Variants in CLCN7 observed in about 807,000 individuals in gnomAD.
CLCN7 encodes Cl-/H+ antiporter 7.
Under a neutral mutation model 102.1 loss-of-function variants are expected in CLCN7, and 60 were observed. The observed-to-expected ratio is 0.59, with a 90% confidence interval of 0.48 to 0.73. CLCN7 has a LOEUF of 0.73. Among genes scored for constraint, CLCN7 ranks in the 30% least tolerant of loss-of-function variants. The probability of loss-of-function intolerance (pLI) is 0.00; values close to 1 mark genes in which losing one functional copy is unlikely to be tolerated. For synonymous variants in CLCN7, 560 were observed against 490.5 expected (o/e 1.14, Z -1.87); for missense variants, 962 against 1,125.7 (o/e 0.85, Z 2.08).
At chr16:1,455,915 G>GC in intron 10 of CLCN7, 120 bp from the exon 11 acceptor site, 2 of 1,186,438 alleles carry the variant, frequency 1.7e-6, no homozygotes, top group Non-Finnish European at 2.4e-6. Flanking sequence ...AATGGGGTGG[G>GC]CCCCAGCCAC....
intron 15 of CLCN7, 162 bp from the exon 16 acceptor site, chr16:1,451,878 G>A (rs1392784342): frequency 4.6e-6 from 3 of 654,030 alleles, no homozygotes; most frequent in South Asian, 3.3e-5. Context: ...GGTCACAGAG[G>A]GCAAGGAGGA....
At chr16:1,464,315 T>A (rs1181140642) in intron 2 of CLCN7, among the ~76,000 whole-genome samples, 2 of 152,230 alleles carry the variant, frequency 1.3e-5, no homozygotes, top group Admixed American at 1.3e-4. Flanking sequence ...GACTGATTGC[T>A]GAATCTCACG....
chr16:1,448,284 C>T, intron 21 of CLCN7, 71 bp downstream of exon 21: 1 of 1,591,260 alleles, frequency 6.3e-7, no homozygotes, highest in Non-Finnish European at 8.6e-7. Context: ...GCAAACCTTG[C>T]CGTGTGCTTC....
In CLCN7 at chr16:1,459,183, A is replaced by G; in HGVS notation, c.599T>C (p.Val200Ala). The part of the protein sequence containing the change: ...GSVIVAFIEP[V>A]AAGSGIPQIK... ...CTGGGGGATTCCGCTGCCAGCAGCC[A>G]CCGGCTGAAAGAGGGGAAGCACGGC... The change falls in exon 7 of 25, where the codon GTG becomes GCG. Residue 200 changes from valine to alanine, a missense_variant. Transcript: ENST00000382745. The G allele has an allele frequency of 6.2e-7, 1 of 1,613,062 alleles. No individual in the cohort carries two copies.
rs9922189 is a variant in CLCN7 at position 1,457,777 on chromosome 16, T to C, written c.676-21A>G. 911,010 of 1,609,394 alleles carry C rather than the reference T, an allele frequency of 0.57. 259,608 individuals are homozygous for C. Among genetic ancestry groups the C allele is most frequent in the East Asian group, 0.71 (31,764 of 44,840 alleles). On this transcript the variant is annotated intron_variant, in intron 7 of 24. Coordinates refer to ENST00000382745, the MANE Select transcript of CLCN7 (RefSeq NM_001287.6). The surrounding 1 kb of genome is among the most constrained non-coding windows in gnomAD (Gnocchi z 5.4). Reference sequence around the variant, plus strand: ...AACGTCTGAAACACAGGGAGACGCATGGCCTCTGATGAAAAGGCAGGCGCT... The same window carrying C: ...AACGTCTGAAACACAGGGAGACGCACGGCCTCTGATGAAAAGGCAGGCGCT...
chr16:1,457,855 G>A lies in CLCN7; in HGVS notation c.676-99C>T, dbSNP rs1008873900. On this transcript the variant is annotated intron_variant, in intron 7 of 24. Transcript: ENST00000382745. This position sits in a 1 kb window ranked among gnomAD's most constrained non-coding sequence, Gnocchi z 5.4. ...ACACACAGCCCCGATCAGGCAGAGT[G>A]GCTGGGACACGGGGCCTCCGGGAGG... The A allele has an allele frequency of 3.2e-6, 4 of 1,253,002 alleles. No homozygotes were observed. In the African/African-American group the frequency reaches 4.4e-5, roughly 14 times the overall value. 77.6% of individuals were successfully genotyped at this position (1,253,002 alleles called of 1,614,324 possible).
At chr16:1,472,905 T>G (rs1442986323) in intron 1 of CLCN7, among the ~76,000 whole-genome samples, 5 of 150,112 alleles carry the variant, frequency 3.3e-5, no homozygotes, top group Non-Finnish European at 4.4e-5. Flanking sequence ...TAGCTGGGAC[T>G]ACAGATGCAT....
chr16:1,451,808 C>T, intron 15 of CLCN7, 92 bp from the exon 16 acceptor site: 1 of 1,036,030 alleles, frequency 9.7e-7, no homozygotes, highest in Non-Finnish European at 1.5e-6. Context: ...GGCCGTGTAC[C>T]CTGTGCCTGG....
intron 5 of CLCN7, 37 bp from the exon 6 acceptor site, chr16:1,460,564 C>T: frequency 1.3e-6 from 2 of 1,534,008 alleles, no homozygotes; most frequent in Non-Finnish European, 1.8e-6. Flanking sequence ...GCTTCCCCGT[C>T]ATGACCACCC....
In CLCN7 at chr16:1,446,091, G is replaced by A; in HGVS notation, c.*540C>T. On this transcript the variant is annotated 3_prime_UTR_variant, in exon 25 of 25. Transcript: ENST00000382745. ...GAAGCTGCTCTCCGGGGCGGTCGCA[G>A]CCTCCAAACCCTGGTGCTACGAGTC... 1 of 591,380 alleles carries A rather than the reference G, an allele frequency of 1.7e-6. No homozygotes were observed. Among genetic ancestry groups the A allele is most frequent in the South Asian group, 2.1e-5 (1 of 48,212 alleles). The allele number at this position is 591,380 out of a possible 1,614,324, so 36.6% of individuals were successfully genotyped here.
rs1238840540 is a variant in CLCN7, at chr16:1,456,300, G to T, written c.823-94C>A. ...CTGCCAGGACAGGGGCTGTGCAGGG[G>T]AAGGGGCTTTCAGGACAACCGAGTC... is the stretch of plus-strand genomic sequence containing the variant. On this transcript the variant is annotated intron_variant, in intron 9 of 24. Transcript: ENST00000382745. 7 of 932,542 alleles carry T rather than the reference G, an allele frequency of 7.5e-6. No homozygotes were observed. The Admixed American group carries it at 1.4e-4, about 19-fold the overall frequency. 57.8% of individuals were successfully genotyped at this position (932,542 alleles called of 1,614,324 possible).
At chr16:1,448,920 GGCA>G (rs1158198190) in intron 19 of CLCN7, 43 bp downstream of exon 19, 11 of 1,609,470 alleles carry the variant, frequency 6.8e-6, no homozygotes, top group Non-Finnish European at 9.3e-6. Flanking sequence ...CCTCCCCTAT[GGCA>G]GCACCCACGC....
intron 1 of CLCN7, among the ~76,000 whole-genome samples, 191 bp downstream of exon 1, chr16:1,474,643 G>A (rs962747001): frequency 6.6e-6 from 1 of 151,942 alleles, no homozygotes; most frequent in East Asian, 1.9e-4. Context: ...CGCGGCCTCC[G>A]AAGACTCCAG....
rs768627045 is a variant in CLCN7 at position 1,453,708 on chromosome 16, C to T, written c.1214+126G>A. The T allele has an allele frequency of 6.8e-4, 615 of 899,624 alleles. 1 individual carries two copies. Among genetic ancestry groups the T allele is most frequent in the Non-Finnish European group, 8.2e-4 (444 of 541,736 alleles). 55.7% of individuals were successfully genotyped at this position (899,624 alleles called of 1,614,324 possible). On this transcript the variant is annotated intron_variant, in intron 14 of 24. Transcript: ENST00000382745. ...CCACCGGGGAAACCATCAGGAAGGA[C>T]GCTGCATACACAGCCTTTCTTTCGG...
intron 2 of CLCN7, among the ~76,000 whole-genome samples, chr16:1,462,738 G>C (rs2038957639): frequency 6.7e-6 from 1 of 150,106 alleles, no homozygotes; most frequent in South Asian, 2.1e-4. Flanking sequence ...GAAGAGAATT[G>C]AGAGAGTCCA....
intron 1 of CLCN7, among the ~76,000 whole-genome samples, chr16:1,466,168 G>A (rs1013411163): frequency 1.3e-5 from 2 of 152,258 alleles, no homozygotes. Context: ...GCATCAGAGA[G>A]CCCGTGCGCC....
chr16:1,456,031 C>A (rs566905813), intron 10 of CLCN7, 82 bp downstream of exon 10: 3 of 1,216,142 alleles, frequency 2.5e-6, no homozygotes, highest in South Asian at 2.6e-5. Flanking sequence ...CCTCAGCGGG[C>A]ACTGGGCCTA....
chr16:1,465,225 G>A (rs769652196), intron 2 of CLCN7, 42 bp downstream of exon 2: 3 of 1,583,620 alleles, frequency 1.9e-6, no homozygotes, highest in Admixed American at 1.7e-5. Flanking sequence ...CTGCTAAGAT[G>A]CAGCTAGCTC....
At chr16:1,474,788 G>A (rs1224146570) in intron 1 of CLCN7, 46 bp downstream of exon 1, 18 of 1,261,134 alleles carry the variant, frequency 1.4e-5, no homozygotes, top group Middle Eastern at 6.1e-4. Context: ...GGGCTGCGGG[G>A]CGCACGAGGG....
Sources: allele counts gnomAD v4.1 joint callset (sites outside exome capture counted in the v4.1 genomes callset), GRCh38; gene constraint gnomAD v4.1.1; non-coding constraint Gnocchi (gnomAD v3.1); transcripts MANE v1.5; gene names NCBI Gene and HGNC (gene_info 2026-07-23, HGNC 2026-07-21).